The following BRD3 variants were observed in gnomAD, a reference collection of about 807,000 sequenced individuals.
BRD3 encodes bromodomain containing 3, also known as bromodomain-containing protein 3.
BRD3 carries 17 observed loss-of-function variants against 66.8 expected under a neutral mutation model. The ratio of observed to expected loss-of-function variants is 0.25; its 90% confidence interval spans 0.17 to 0.38. The LOEUF (loss-of-function observed/expected upper bound fraction) is 0.38, where lower values mean the gene tolerates loss of function less well. Among genes scored for constraint, BRD3 ranks in the 10% least tolerant of loss-of-function variants. The probability of loss-of-function intolerance (pLI) is 1.00; values close to 1 mark genes in which losing one functional copy is unlikely to be tolerated. For missense variants in BRD3, 713 were observed against 956.1 expected, an observed-to-expected ratio of 0.75 and a Z score of 3.35; for synonymous variants, 421 against 393.2, an observed-to-expected ratio of 1.07 and a Z score of -0.84.
Position 134,032,704 on chromosome 9 carries a change from T to C in BRD3, c.*886A>G, listed in dbSNP as rs1046516786. Reference sequence around the variant, plus strand: ...GACCAATGATGTTAATAAATAACTATTTATATACACATAAGCTCGGGAAGT... The same window carrying C: ...GACCAATGATGTTAATAAATAACTACTTATATACACATAAGCTCGGGAAGT... On this transcript the variant is annotated 3_prime_UTR_variant, in exon 12 of 12. Transcript: ENST00000303407. 2 of 231,094 alleles carry C rather than the reference T, an allele frequency of 8.7e-6. No homozygotes were observed. The highest frequency in any genetic ancestry group is 1.7e-5 in the Non-Finnish European group (2 of 116,990). 14.3% of individuals were successfully genotyped at this position (231,094 alleles called of 1,614,324 possible).
At position 134,036,890 on chromosome 9, in the gene BRD3, A is replaced by C. The variant is rs142123653; in HGVS notation, c.1644-566T>G. Among the ~76,000 whole-genome samples, 566 of 152,272 alleles carry C rather than the reference A, an allele frequency of 3.7e-3. 2 individuals carry two copies. The highest frequency in any genetic ancestry group is 0.013 in the African/African-American group (536 of 41,554). On this transcript the variant is annotated intron_variant, in intron 9 of 11. Coordinates refer to ENST00000303407, the MANE Select transcript of BRD3 (RefSeq NM_007371.4). The stretch of plus-strand genomic sequence containing the variant: ...GCCGGGCGTGGTGGCGGGCACCTGT[A>C]GTCCCAGCTATGCGGGAGGCTGAGG...
chr9:134,035,544 G>A (rs1444687380), intron 10 of BRD3, among the ~76,000 whole-genome samples: 1 of 152,152 alleles, frequency 6.6e-6, no homozygotes, highest in Admixed American at 6.5e-5. Flanking sequence ...GTCCTGTGAG[G>A]CTTCTGGACT....
intron 7 of BRD3, among the ~76,000 whole-genome samples, chr9:134,044,252 T>A (rs1588281923): frequency 6.6e-6 from 1 of 152,140 alleles, no homozygotes; most frequent in Admixed American, 6.5e-5. Context: ...AGGGTGGCAA[T>A]GGCAGCAGTG....
In BRD3 at chr9:134,034,822, G is replaced by A. The variant is rs756042834; in HGVS notation, c.1944C>T (p.Ser648=). Residue 648 remains serine, a synonymous_variant, in exon 11 of 12, where the codon AGC becomes AGT. Transcript: ENST00000303407. ...TCGACTTGGCTGCCTGTTTCTTCCC[G>A]CTTGCTGCTGTCGGGGAACAAATGG... ...QKKQRKPFSA[S]GKKQAAKSKE... is the part of the protein sequence containing the mutation. The A allele has an allele frequency of 6.8e-6, 11 of 1,611,836 alleles. No homozygotes were observed. Among genetic ancestry groups the A allele is most frequent in the South Asian group, 5.5e-5 (5 of 91,088 alleles).
intron 1 of BRD3, among the ~76,000 whole-genome samples, chr9:134,065,092 T>C (rs181704225): frequency 6.6e-6 from 1 of 152,328 alleles, no homozygotes; most frequent in Non-Finnish European, 1.5e-5. Context: ...ATTCATCCAG[T>C]TACCTTCTAG....
chr9:134,059,924 G>A (rs1227999896), intron 1 of BRD3, among the ~76,000 whole-genome samples: 1 of 152,178 alleles, frequency 6.6e-6, no homozygotes, highest in African/African-American at 2.4e-5. Flanking sequence ...GGGAAGCGGT[G>A]GGTCCTTGGG....
In BRD3 at chr9:134,040,146, GCTTCTC is replaced by G. The variant is rs569163807; in HGVS notation, c.1525_1530del (p.Glu509_Lys510del). 952 of 1,564,370 alleles carry G rather than the reference GCTTCTC, an allele frequency of 6.1e-4. No homozygotes were observed. Among genetic ancestry groups the G allele is most frequent in the African/African-American group, 2.3e-3 (169 of 73,844 alleles). Reference sequence around the variant, plus strand: ...TTCTCTTCCTCGGCCTTCACTTTGTGCTTCTCCTTCTCCTTCTCCTTGTCCTTCTTC... The same window carrying G: ...TTCTCTTCCTCGGCCTTCACTTTGTGCTTCTCCTTCTCCTTGTCCTTCTTC... On this transcript the variant is annotated inframe_deletion, in exon 9 of 12. Transcript: ENST00000303407.
Position 134,032,083 on chromosome 9 carries a change from T to G in BRD3, c.*1507A>C, listed in dbSNP as rs1843519489. 9.1e-6 allele frequency: 2 copies of G among 218,690 alleles called. No homozygotes were observed. The highest frequency in any genetic ancestry group is 1.8e-5 in the Non-Finnish European group (2 of 108,844). 13.5% of individuals were successfully genotyped at this position (218,690 alleles called of 1,614,324 possible). A position where few individuals can be genotyped will look rare whatever the true frequency, so the allele number is the denominator to read the frequency against. ...CCACCCGCAAGCCTGGGAGGCTAAC[T>G]CTGGCATTCCTGGCCGGAGCCGCCA... On this transcript the variant is annotated 3_prime_UTR_variant, in exon 12 of 12. Transcript: ENST00000303407.
At chr9:134,040,303 G>A in intron 8 of BRD3, 34 bp from the exon 9 acceptor site, 2 of 1,573,642 alleles carry the variant, frequency 1.3e-6, no homozygotes, top group Non-Finnish European at 1.7e-6. Flanking sequence ...CAGGTGCTGG[G>A]CACGGCCCAC....
At position 134,032,387 on chromosome 9, in the gene BRD3, G is replaced by C. The variant is rs1047808645; in HGVS notation, c.*1203C>G. 6.1e-6 allele frequency: 1 copy of C among 164,722 alleles called. No individual in the cohort carries two copies. The highest frequency in any genetic ancestry group is 1.2e-5 in the Non-Finnish European group (1 of 85,930). The allele number at this position is 164,722 out of a possible 1,614,324, so 10.2% of individuals were successfully genotyped here. On this transcript the variant is annotated 3_prime_UTR_variant, in exon 12 of 12. Transcript: ENST00000303407. ...AAGAACTAAACAAAATAAAAAATTA[G>C]AATGTGCTGTAGCTGAAAGCTGTCT...
chr9:134,052,688 C>T (rs916365076), intron 2 of BRD3, among the ~76,000 whole-genome samples: 3 of 152,152 alleles, frequency 2.0e-5, no homozygotes, highest in African/African-American at 7.2e-5. Context: ...TAGGGCAGAC[C>T]CCAGGACAGG....
intron 1 of BRD3, 38 bp from the exon 2 acceptor site, chr9:134,053,628 C>G (rs1238619741): frequency 7.0e-7 from 1 of 1,430,464 alleles, no homozygotes; most frequent in Non-Finnish European, 9.1e-7. Context: ...GAAGGCCAGT[C>G]ACCCCGGGGA....
At chr9:134,052,799 G>A (rs528960924) in intron 2 of BRD3, among the ~76,000 whole-genome samples, 1 of 152,316 alleles carries the variant, frequency 6.6e-6, no homozygotes, top group East Asian at 1.9e-4. Flanking sequence ...GCCAGCCCAG[G>A]GATTCCTCTG....
rs748842756 is a variant in BRD3, at chr9:134,050,400, C to G, written c.688G>C (p.Val230Leu). The G allele has an allele frequency of 6.2e-7, 1 of 1,611,784 alleles. No individual in the cohort carries two copies. The highest frequency in any genetic ancestry group is 1.3e-5 in the African/African-American group (1 of 75,014). Residue 230 changes from valine to leucine, a missense_variant, in exon 5 of 12, where the codon GTC (valine) becomes CTC (leucine). Around this residue, in one of 5 missense-constraint regions of BRD3, gnomAD observed 120 missense variants for 122.8 expected, o/e 0.98. Transcript: ENST00000303407. ...PPPATPIVPV[V>L]PPTPPVVKKK... is the part of the protein sequence containing the mutation. ...TTGACGACAGGCGGCGTAGGAGGGA[C>G]CACGGGGACGATGGGTGTGGCAGGA...
At position 134,052,260 on chromosome 9, in the gene BRD3, C is replaced by T. The variant is rs200223254; in HGVS notation, c.351+46G>A. 71 of 1,605,632 alleles carry T rather than the reference C, an allele frequency of 4.4e-5. 2 individuals carry two copies. In the South Asian group the frequency reaches 7.0e-4, roughly 16 times the overall value. ...CCCAGGCCCACTGCGTTGCACAGCG[C>T]CCCAATCCTTACTGCAAGCGGCGTG... On this transcript the variant is annotated intron_variant, in intron 3 of 11. Transcript: ENST00000303407.
chr9:134,048,684 C>A (rs1256126111), intron 5 of BRD3, among the ~76,000 whole-genome samples: 4 of 152,178 alleles, frequency 2.6e-5, no homozygotes, highest in African/African-American at 9.6e-5. Flanking sequence ...ACTCTGAAAC[C>A]CGCCCTCACC....
intron 9 of BRD3, chr9:134,036,569 C>G: frequency 6.2e-7 from 1 of 1,610,946 alleles, no homozygotes; most frequent in South Asian, 1.1e-5. Flanking sequence ...GCGTCTCAAA[C>G]TCCACAGGTC....
chr9:134,061,121 G>C (rs1172375636), intron 1 of BRD3, among the ~76,000 whole-genome samples: 4 of 152,268 alleles, frequency 2.6e-5, no homozygotes, highest in Non-Finnish European at 5.9e-5. Flanking sequence ...TTGGGGAGCA[G>C]AGACCCAGAG....
intron 1 of BRD3, among the ~76,000 whole-genome samples, chr9:134,054,781 A>G (rs1830379916): frequency 6.6e-6 from 1 of 152,082 alleles, no homozygotes; most frequent in Non-Finnish European, 1.5e-5. Context: ...GTGGGCAGTT[A>G]CACCACAGCC....
Sources: gnomAD v4.1 joint callset for allele counts (sites outside exome capture counted in the v4.1 genomes callset) on GRCh38, gnomAD v4.1.1 for gene constraint, gnomAD v4.1.1 regional missense constraint, MANE v1.5 for transcripts, NCBI Gene and HGNC (gene_info 2026-07-23, HGNC 2026-07-21) for gene names.